RTN3: variants seen among roughly 807,000 people sequenced by gnomAD.
The protein encoded by RTN3 is reticulon-3.
Under a neutral mutation model 77.8 loss-of-function variants are expected in RTN3, and 49 were observed. That is an observed-to-expected ratio of 0.63 (90% CI 0.50 to 0.80). The LOEUF is 0.80. RTN3 is among the 30% of genes least tolerant of loss of function. RTN3 has a pLI of 0.00. For synonymous variants in RTN3, 464 were observed against 446.9 expected, an observed-to-expected ratio of 1.04 and a Z score of -0.48; for missense variants, 1,236 against 1,211.9, an observed-to-expected ratio of 1.02 and a Z score of -0.29.
rs2134828862 is a variant in RTN3 at position 63,719,645 on chromosome 11, T to C, written c.1143T>C (p.Thr381=). 1.2e-6 allele frequency: 2 copies of C among 1,613,902 alleles called. No homozygotes were observed. The highest frequency in any genetic ancestry group is 1.7e-5 in the Admixed American group (1 of 59,998). The change falls in exon 3 of 9, where the codon ACT becomes ACC. Residue 381 remains threonine (T), a synonymous_variant. Coordinates refer to ENST00000377819, the MANE Select transcript of RTN3 (RefSeq NM_001265589.2). ...AAATTCCAGTTGTAAATCTTAAAAC[T>C]AGCACTCATCAGAAAACTCCTGTAT... ...NSEIPVVNLK[T]STHQKTPVCS...
chr11:63,702,339 G>A (rs552422296), intron 1 of RTN3, among the ~76,000 whole-genome samples: 3 of 150,426 alleles, frequency 2.0e-5, no homozygotes, highest in South Asian at 4.2e-4. Context: ...TTTTGAGACA[G>A]AGTCTCGCCC....
At chr11:63,725,950 G>T (rs1260205570) in intron 3 of RTN3, among the ~76,000 whole-genome samples, 3 of 152,110 alleles carry the variant, frequency 2.0e-5, no homozygotes, top group Non-Finnish European at 4.4e-5. Flanking sequence ...CCAGCAGATG[G>T]TGGGTGCTAA....
chr11:63,718,634 T>G, intron 2 of RTN3, 68 bp from the exon 3 acceptor site: 1 of 1,173,116 alleles, frequency 8.5e-7, no homozygotes, highest in Non-Finnish European at 1.2e-6. Flanking sequence ...AGCATGCTGC[T>G]TGGCTTGGCT....
At chr11:63,745,094 A>T (rs553410545) in intron 3 of RTN3, among the ~76,000 whole-genome samples, 1 of 152,276 alleles carries the variant, frequency 6.6e-6, no homozygotes, top group African/African-American at 2.4e-5. Context: ...ATTTTAAACT[A>T]TTGGCAACTG....
chr11:63,729,815 G>T (rs922628857), intron 3 of RTN3, among the ~76,000 whole-genome samples: 1 of 151,148 alleles, frequency 6.6e-6, no homozygotes, highest in Non-Finnish European at 1.5e-5. Flanking sequence ...TTGGAGACAG[G>T]GTCTCGCTCT....
At chr11:63,710,983 G>A (rs549823419) in intron 2 of RTN3, among the ~76,000 whole-genome samples, 20 of 152,174 alleles carry the variant, frequency 1.3e-4, no homozygotes, top group Admixed American at 2.6e-4. Flanking sequence ...ACATTTTGTT[G>A]AGGAAAATTT....
chr11:63,743,602 A>C (rs545767590), intron 3 of RTN3, among the ~76,000 whole-genome samples: 8 of 152,204 alleles, frequency 5.3e-5, no homozygotes, highest in Non-Finnish European at 1.0e-4. Context: ...TGGTTTGCTA[A>C]ATTTTTGTTA....
intron 1 of RTN3, among the ~76,000 whole-genome samples, chr11:63,691,457 A>G (rs956753143): frequency 6.6e-6 from 1 of 151,770 alleles, no homozygotes; most frequent in South Asian, 2.1e-4. Context: ...AGGTCTCACT[A>G]TGTTGCCTAG....
chr11:63,717,742 A>C (rs191705214), intron 2 of RTN3, among the ~76,000 whole-genome samples: 1 of 151,836 alleles, frequency 6.6e-6, no homozygotes. Flanking sequence ...GGCCAGGCGT[A>C]GCGGCTCACA....
At chr11:63,709,552 A>C (rs1267481144) in intron 2 of RTN3, among the ~76,000 whole-genome samples, 1 of 152,072 alleles carries the variant, frequency 6.6e-6, no homozygotes, top group East Asian at 1.9e-4. Context: ...AGCATTGAGG[A>C]AAAAATAAAT....
intron 1 of RTN3, chr11:63,698,589 C>T (rs1414939047): frequency 6.1e-6 from 1 of 164,420 alleles, no homozygotes; most frequent in Non-Finnish European, 1.5e-5. Flanking sequence ...TAAAATTTCT[C>T]TTCATGCCAT....
intron 2 of RTN3, among the ~76,000 whole-genome samples, 199 bp from the exon 3 acceptor site, chr11:63,718,503 T>C (rs1269102637): frequency 6.6e-6 from 1 of 152,224 alleles, no homozygotes; most frequent in South Asian, 2.1e-4. Flanking sequence ...CTTTTCTGTT[T>C]CACTGTTGGC....
intron 2 of RTN3, among the ~76,000 whole-genome samples, chr11:63,715,551 C>G: frequency 1.3e-5 from 2 of 152,094 alleles, no homozygotes; most frequent in South Asian, 4.2e-4. Flanking sequence ...CCAGCTACTT[C>G]GGAGGCTGAG....
intron 3 of RTN3, among the ~76,000 whole-genome samples, chr11:63,738,867 G>A (rs1292898705): frequency 6.6e-6 from 1 of 152,076 alleles, no homozygotes; most frequent in Non-Finnish European, 1.5e-5. Flanking sequence ...AAGGTTTACT[G>A]CTGTTCCTCC....
At chr11:63,714,927 C>G (rs1354148239) in intron 2 of RTN3, among the ~76,000 whole-genome samples, 1 of 152,128 alleles carries the variant, frequency 6.6e-6, no homozygotes, top group Admixed American at 6.5e-5. Flanking sequence ...TATTCTACAC[C>G]TAACTTGAAA....
Position 63,719,989 on chromosome 11 carries a change from G to C in RTN3, c.1487G>C (p.Ser496Thr), listed in dbSNP as rs753724286. 5 of 1,614,174 alleles carry C rather than the reference G, an allele frequency of 3.1e-6. No individual in the cohort carries two copies. The highest frequency in any genetic ancestry group is 3.4e-6 in the Non-Finnish European group (4 of 1,180,028). The change falls in exon 3 of 9, where the codon AGT becomes ACT. Residue 496 changes from serine to threonine, a missense_variant. Coordinates refer to ENST00000377819, the MANE Select transcript of RTN3 (RefSeq NM_001265589.2). ...TTGGGAGAAATCACAGAAGCTGATA[G>C]TTCTGGTGAGTCTGATGACACAGTA... ...SALGEITEADSSGESDDTVIE... is the reference protein window; with the variant it reads ...SALGEITEADTSGESDDTVIE...
At chr11:63,709,139 A>AAC (rs1942630132) in intron 2 of RTN3, among the ~76,000 whole-genome samples, 1 of 152,336 alleles carries the variant, frequency 6.6e-6, no homozygotes, top group East Asian at 1.9e-4. Context: ...AATAAAGATG[A>AAC]TCAAATAAAC....
chr11:63,753,044 T>C, intron 5 of RTN3, 25 bp from the exon 6 acceptor site: 1 of 1,611,354 alleles, frequency 6.2e-7, no homozygotes, highest in Non-Finnish European at 8.5e-7. Flanking sequence ...TTATTCCTGC[T>C]TAACTTTTGA....
At position 63,703,839 on chromosome 11, in the gene RTN3, G is replaced by A. The variant is rs541626410; in HGVS notation, c.143-1012G>A. Among the ~76,000 whole-genome samples, 27 of 152,144 alleles carry A rather than the reference G, an allele frequency of 1.8e-4. No homozygotes were observed. In the South Asian group the frequency reaches 5.0e-3, roughly 28 times the overall value. On this transcript the variant is annotated intron_variant, in intron 1 of 8. Coordinates refer to ENST00000377819, the MANE Select transcript of RTN3 (RefSeq NM_001265589.2). ...TTACAGGCATGAGCCACCACGCCTG[G>A]CAACACATATCTTTGTACATGTATG...
Sources: allele counts gnomAD v4.1 joint callset (sites outside exome capture counted in the v4.1 genomes callset), GRCh38; gene constraint gnomAD v4.1.1; transcripts MANE v1.5; gene names NCBI Gene and HGNC (gene_info 2026-07-23, HGNC 2026-07-21).